The following FAF1 variants were observed in gnomAD, a reference collection of about 807,000 sequenced individuals.
The protein encoded by FAF1 is FAS-associated factor 1.
FAF1 carries 25 observed loss-of-function variants against 92.5 expected under a neutral mutation model. The observed-to-expected ratio is 0.27, with a 90% CI of 0.20 to 0.38. The LOEUF (loss-of-function observed/expected upper bound fraction) is 0.38. FAF1 is among the 10% of genes least tolerant of loss of function. The probability of loss-of-function intolerance (pLI) is 1.00; values close to 1 mark genes in which losing one functional copy is unlikely to be tolerated. For missense variants in FAF1, 636 were observed against 793.3 expected, an observed-to-expected ratio of 0.80 and a Z score of 2.38; for synonymous variants, 234 against 273.2, an observed-to-expected ratio of 0.86 and a Z score of 1.42.
intron 2 of FAF1, among the ~76,000 whole-genome samples, chr1:50,826,324 G>A (rs1241629902): frequency 6.6e-6 from 1 of 152,162 alleles, no homozygotes; most frequent in Non-Finnish European, 1.5e-5. Context: ...GCTGAAGCGG[G>A]TGGATCACTT....
At chr1:50,720,407 T>G (rs1658359635) in intron 6 of FAF1, among the ~76,000 whole-genome samples, 1 of 152,248 alleles carries the variant, frequency 6.6e-6, no homozygotes, top group Admixed American at 6.5e-5. Context: ...AAATACTGAT[T>G]ATATCAATTT....
chr1:50,846,863 C>T, intron 2 of FAF1: 1 of 520,100 alleles, frequency 1.9e-6, no homozygotes, highest in South Asian at 1.9e-5. Context: ...CAGGAATTAG[C>T]CTTATATTTA....
intron 17 of FAF1, among the ~76,000 whole-genome samples, chr1:50,485,667 C>CAAAAAAAAAAAAAAAA (rs999538430): frequency 7.3e-5 from 1 of 13,714 alleles, no homozygotes; most frequent in African/African-American, 2.4e-4. Context: ...GAGACTGTCT[C>CAAAAAAAAAAAAAAAA]AAAAAAAAAA....
At chr1:50,751,915 G>A (rs569009856) in intron 4 of FAF1, among the ~76,000 whole-genome samples, 212 of 152,308 alleles carry the variant, frequency 1.4e-3, no homozygotes, top group African/African-American at 4.8e-3. Context: ...ATATTAGACA[G>A]AATTCACCAG....
intron 12 of FAF1, among the ~76,000 whole-genome samples, chr1:50,568,801 T>C (rs1650288567): frequency 6.6e-6 from 1 of 152,122 alleles, no homozygotes; most frequent in African/African-American, 2.4e-5. Context: ...AACCACACTG[T>C]AGTCAAGGCT....
rs1269343488 is a variant in FAF1 at position 50,437,949 on chromosome 1, G to A, written c.*3491C>T. On this transcript the variant is annotated 3_prime_UTR_variant, in exon 19 of 19. Transcript: ENST00000396153. ...GAGGCAGGAGAACTGCTTGAGCCCA[G>A]GAGATGGAGGTTGCAGTGAGCCGAG... 2 of 146,870 alleles carry A rather than the reference G, an allele frequency of 1.4e-5. No individual in the cohort carries two copies. Among genetic ancestry groups the A allele is most frequent in the African/African-American group, 5.1e-5 (2 of 39,536 alleles). 9.1% of individuals were successfully genotyped at this position (146,870 alleles called of 1,614,324 possible).
intron 7 of FAF1, among the ~76,000 whole-genome samples, chr1:50,658,857 A>C (rs1409988015): frequency 6.6e-6 from 1 of 152,222 alleles, no homozygotes; most frequent in Non-Finnish European, 1.5e-5. Context: ...CTAAACAACA[A>C]TTTAGTGTTT....
intron 1 of FAF1, among the ~76,000 whole-genome samples, chr1:50,895,864 AG>A (rs1644753971): frequency 6.6e-6 from 1 of 152,182 alleles, no homozygotes; most frequent in Non-Finnish European, 1.5e-5. Flanking sequence ...TTAAAAAAAA[AG>A]CCTCAACACA....
intron 18 of FAF1, among the ~76,000 whole-genome samples, chr1:50,447,260 G>A (rs1646239599): frequency 6.6e-6 from 1 of 151,330 alleles, no homozygotes; most frequent in Non-Finnish European, 1.5e-5. Context: ...CGAGTAGCTA[G>A]GACTACAGGT....
chr1:50,913,805 G>C (rs918144818), intron 1 of FAF1, among the ~76,000 whole-genome samples: 1 of 152,178 alleles, frequency 6.6e-6, no homozygotes, highest in Non-Finnish European at 1.5e-5. Context: ...AGCAGAAATA[G>C]AGCAGGAAGA....
intron 1 of FAF1, among the ~76,000 whole-genome samples, chr1:50,894,079 C>T (rs1479993438): frequency 1.3e-5 from 2 of 151,882 alleles, no homozygotes; most frequent in Non-Finnish European, 2.9e-5. Context: ...TGGGCAGAAC[C>T]CTTGAAGCCA....
At chr1:50,860,184 C>T (rs1644421170) in intron 1 of FAF1, among the ~76,000 whole-genome samples, 1 of 151,880 alleles carries the variant, frequency 6.6e-6, no homozygotes, top group Non-Finnish European at 1.5e-5. Context: ...CCATTCTGGA[C>T]ATCAATCTTG....
intron 1 of FAF1, among the ~76,000 whole-genome samples, chr1:50,932,248 A>G (rs1183227585): frequency 1.3e-5 from 2 of 152,156 alleles, no homozygotes; most frequent in South Asian, 4.1e-4. Context: ...CATTAACCCA[A>G]AAGTCCACAG....
At chr1:50,471,457 C>T (rs1179088978) in intron 18 of FAF1, among the ~76,000 whole-genome samples, 1 of 152,176 alleles carries the variant, frequency 6.6e-6, no homozygotes, top group Non-Finnish European at 1.5e-5. Context: ...TACTCATTCT[C>T]CTGTTCCTTT....
intron 15 of FAF1, among the ~76,000 whole-genome samples, chr1:50,505,728 G>A (rs574120950): frequency 1.3e-5 from 2 of 152,302 alleles, no homozygotes; most frequent in Non-Finnish European, 2.9e-5. Context: ...AGCTGTGACA[G>A]AAAGTATATG....
chr1:50,776,563 A>C (rs1660970359), intron 4 of FAF1, among the ~76,000 whole-genome samples: 1 of 152,198 alleles, frequency 6.6e-6, no homozygotes, highest in Non-Finnish European at 1.5e-5. Context: ...TCCATCAAAA[A>C]AAAGAACAAG....
chr1:50,512,054 T>C (rs887162644), intron 15 of FAF1, among the ~76,000 whole-genome samples: 1 of 152,200 alleles, frequency 6.6e-6, no homozygotes, highest in Non-Finnish European at 1.5e-5. Flanking sequence ...TTGAGAAGTG[T>C]CTGTTCATAT....
chr1:50,546,344 T>A (rs1467487128), intron 13 of FAF1, among the ~76,000 whole-genome samples: 1 of 152,050 alleles, frequency 6.6e-6, no homozygotes, highest in Non-Finnish European at 1.5e-5. Flanking sequence ...TGGGGAAAAA[T>A]AAATACATAT....
intron 2 of FAF1, among the ~76,000 whole-genome samples, chr1:50,814,745 C>T (rs1643951291): frequency 6.6e-6 from 1 of 152,134 alleles, no homozygotes; most frequent in African/African-American, 2.4e-5. Flanking sequence ...AGATGCCCAA[C>T]ATCACTAATC....
Sources: allele counts gnomAD v4.1 joint callset (sites outside exome capture counted in the v4.1 genomes callset), GRCh38; gene constraint gnomAD v4.1.1; transcripts MANE v1.5; gene names NCBI Gene and HGNC (gene_info 2026-07-23, HGNC 2026-07-21).